INPP5A: variants seen among roughly 807,000 people sequenced by gnomAD.
The protein encoded by INPP5A is 43 kDa inositol polyphosphate 5-phophatase.
INPP5A carries 14 observed loss-of-function variants against 65.2 expected under a neutral mutation model. The observed-to-expected ratio is 0.21, with a 90% CI of 0.14 to 0.34. The LOEUF (loss-of-function observed/expected upper bound fraction) is 0.34. Among genes scored for constraint, INPP5A ranks in the 10% least tolerant of loss-of-function variants. The probability of loss-of-function intolerance (pLI) is 1.00; values close to 1 mark genes in which losing one functional copy is unlikely to be tolerated. For missense variants in INPP5A, 431 were observed against 545.6 expected (o/e 0.79, Z 2.09); for synonymous variants, 207 against 208.3 (o/e 0.99, Z 0.05).
intron 8 of INPP5A, among the ~76,000 whole-genome samples, chr10:132,712,372 T>C (rs1228076955): frequency 6.6e-6 from 1 of 151,862 alleles, no homozygotes; most frequent in African/African-American, 2.4e-5. Context: ...CGTGTGTGCA[T>C]GTGTGTGGAT....
intron 1 of INPP5A, among the ~76,000 whole-genome samples, chr10:132,573,360 A>G (rs1484611443): frequency 3.7e-3 from 101 of 27,054 alleles, no homozygotes; most frequent in African/African-American, 4.5e-3. Context: ...GTTGATGTTG[A>G]GGTGTGTGTG....
intron 9 of INPP5A, among the ~76,000 whole-genome samples, chr10:132,747,486 AGGC>A (rs1846391304): frequency 6.6e-6 from 1 of 152,262 alleles, no homozygotes; most frequent in East Asian, 1.9e-4. Context: ...TCTTGGCAAG[AGGC>A]GGGTCGGGCT....
rs949038542 is a variant in INPP5A at position 132,637,279 on chromosome 10, A to C, written c.118-8589A>C. On this transcript the variant is annotated intron_variant, in intron 2 of 15. Coordinates refer to ENST00000368594, the MANE Select transcript of INPP5A (RefSeq NM_005539.5). This position sits in a 1 kb window ranked among gnomAD's most constrained non-coding sequence, Gnocchi z 4.1. ...CTTATCTTTATCTTTGAAATCTTGG[A>C]GTTGATTACTTTGGGTTAATTTTCT... Among the ~76,000 whole-genome samples the C allele has an allele frequency of 6.6e-6, 1 of 152,054 alleles. No individual in the cohort carries two copies. The highest frequency in any genetic ancestry group is 2.4e-5 in the African/African-American group (1 of 41,380).
chr10:132,548,666 C>T (rs183191716), intron 1 of INPP5A, among the ~76,000 whole-genome samples: 86 of 152,288 alleles, frequency 5.6e-4, no homozygotes, highest in African/African-American at 1.9e-3. Context: ...GTTTCGCCTG[C>T]GCCGAGGGCA....
chr10:132,743,706 A>G (rs1007760845), intron 9 of INPP5A, among the ~76,000 whole-genome samples: 1 of 152,222 alleles, frequency 6.6e-6, no homozygotes, highest in African/African-American at 2.4e-5. Flanking sequence ...ACACCACCCC[A>G]GCCAGCCCAC....
chr10:132,544,273 G>A (rs576046248), intron 1 of INPP5A, among the ~76,000 whole-genome samples: 4 of 152,330 alleles, frequency 2.6e-5, no homozygotes, highest in Non-Finnish European at 2.9e-5. Context: ...CTGCCGCTCC[G>A]GCCAGAGCAG....
chr10:132,630,645 A>C (rs994789925), intron 2 of INPP5A, among the ~76,000 whole-genome samples: 1 of 146,918 alleles, frequency 6.8e-6, no homozygotes, highest in Non-Finnish European at 1.5e-5. Flanking sequence ...CATGAGGGGA[A>C]GACATCCATG....
At position 132,630,657 on chromosome 10, in the gene INPP5A, G is replaced by C. The variant is rs527897849; in HGVS notation, c.118-15211G>C. On this transcript the variant is annotated intron_variant, in intron 2 of 15. Coordinates refer to ENST00000368594, the MANE Select transcript of INPP5A (RefSeq NM_005539.5). ...ATCCATGAGGGGAAGACATCCATGA[G>C]GGGAAGACATCCATGAGGGGAAGGC... Among the ~76,000 whole-genome samples the C allele has an allele frequency of 5.3e-4, 78 of 147,992 alleles. 2 individuals are homozygous for C. Among genetic ancestry groups the C allele is most frequent in the African/African-American group, 1.9e-3 (73 of 38,742 alleles).
rs576032579 is a variant in INPP5A at position 132,731,751 on chromosome 10, G to T, written c.732+4846G>T. 3.3e-5 allele frequency among the ~76,000 whole-genome samples: 5 copies of T among 150,606 alleles called. No homozygotes were observed. In the South Asian group the frequency reaches 1.1e-3, roughly 32 times the overall value. On this transcript the variant is annotated intron_variant, in intron 9 of 15. Coordinates refer to ENST00000368594, the MANE Select transcript of INPP5A (RefSeq NM_005539.5). ...CCAGTGAGGGTTTCCTCCAGTGCGGGTTTCCTCCAGTGCAGAACTCAGTGT... is the reference window on the plus strand; with the variant it reads ...CCAGTGAGGGTTTCCTCCAGTGCGGTTTTCCTCCAGTGCAGAACTCAGTGT...
chr10:132,749,079 C>T (rs1035143884), intron 9 of INPP5A, among the ~76,000 whole-genome samples: 2 of 152,256 alleles, frequency 1.3e-5, no homozygotes, highest in Admixed American at 6.5e-5. Context: ...CCGGTCAAGC[C>T]GCCTGCAGCC....
intron 5 of INPP5A, among the ~76,000 whole-genome samples, chr10:132,693,749 G>GC (rs1405888954): frequency 6.6e-6 from 1 of 152,150 alleles, no homozygotes; most frequent in Admixed American, 6.5e-5. Context: ...AATAGGCAGA[G>GC]CAGACTTCAG....
intron 3 of INPP5A, among the ~76,000 whole-genome samples, chr10:132,646,827 G>A (rs949102985): frequency 6.6e-6 from 1 of 152,216 alleles, no homozygotes; most frequent in Non-Finnish European, 1.5e-5. Flanking sequence ...GTGGGCCGAC[G>A]CTGCTGCCAC....
At chr10:132,695,955 G>A (rs1182509946) in intron 5 of INPP5A, among the ~76,000 whole-genome samples, 5 of 152,158 alleles carry the variant, frequency 3.3e-5, no homozygotes, top group Non-Finnish European at 4.4e-5. Context: ...CTAAGGTGAT[G>A]GTGTTAAGAG....
chr10:132,708,610 C>T (rs752297569), intron 7 of INPP5A: 10 of 609,152 alleles, frequency 1.6e-5, no homozygotes, highest in Non-Finnish European at 2.5e-5. Flanking sequence ...CAGTGACGGC[C>T]CCAGTCCCTC....
intron 1 of INPP5A, among the ~76,000 whole-genome samples, chr10:132,602,277 C>T (rs2071785673): frequency 6.6e-6 from 1 of 152,126 alleles, no homozygotes; most frequent in African/African-American, 2.4e-5. Flanking sequence ...GTGTGTTGAT[C>T]TTATATCCTG....
chr10:132,551,597 C>T lies in INPP5A; in HGVS notation c.75+13426C>T, dbSNP rs2071049981. ...TATGACTTGCTTTAATTTTCTCCAT[C>T]ACCGTTACGGTTTTTCAGAGCTGTT... On this transcript the variant is annotated intron_variant, in intron 1 of 15. Transcript: ENST00000368594. The surrounding 1 kb of genome is among the most constrained non-coding windows in gnomAD (Gnocchi z 5.3). Among the ~76,000 whole-genome samples, 1 of 152,226 alleles carries T rather than the reference C, an allele frequency of 6.6e-6. No individual in the cohort carries two copies. Among genetic ancestry groups the T allele is most frequent in the South Asian group, 2.1e-4 (1 of 4,836 alleles).
chr10:132,734,226 T>C (rs547185193), intron 9 of INPP5A, among the ~76,000 whole-genome samples: 1 of 152,196 alleles, frequency 6.6e-6, no homozygotes, highest in South Asian at 2.1e-4. Flanking sequence ...GGCTGGACTG[T>C]CATGGCAGGA....
chr10:132,564,197 T>C, intron 1 of INPP5A, among the ~76,000 whole-genome samples: 1 of 152,122 alleles, frequency 6.6e-6, no homozygotes, highest in East Asian at 1.9e-4. Flanking sequence ...GCGTGCGCGT[T>C]GTGGGTATGG....
chr10:132,781,726 G>A lies in INPP5A; in HGVS notation c.1159-135G>A, dbSNP rs560162839. 2.3e-5 allele frequency: 17 copies of A among 738,622 alleles called. No homozygotes were observed. The East Asian group carries it at 4.2e-4, about 18-fold the overall frequency. The allele number at this position is 738,622 out of a possible 1,614,324, so 45.8% of individuals were successfully genotyped here. ...CACAAGGGCCGAGCTGCCTCTGCTGGCCATCAGCTCCTCCCAGCCCGGTTC... is the reference window on the plus strand; with the variant it reads ...CACAAGGGCCGAGCTGCCTCTGCTGACCATCAGCTCCTCCCAGCCCGGTTC... On this transcript the variant is annotated intron_variant, in intron 14 of 15. Transcript: ENST00000368594.
Sources: allele counts gnomAD v4.1 joint callset (sites outside exome capture counted in the v4.1 genomes callset), GRCh38; gene constraint gnomAD v4.1.1; non-coding constraint Gnocchi (gnomAD v3.1); transcripts MANE v1.5; gene names NCBI Gene and HGNC (gene_info 2026-07-23, HGNC 2026-07-21).